FAM234B: variants seen among roughly 807,000 people sequenced by gnomAD.
FAM234B encodes family with sequence similarity 234 member B.
FAM234B carries 33 observed loss-of-function variants against 69.3 expected under a neutral mutation model. The observed-to-expected ratio is 0.48, with a 90% CI of 0.36 to 0.64. FAM234B has a LOEUF of 0.64. Among genes scored for constraint, FAM234B ranks in the 30% least tolerant of loss-of-function variants. The pLI is 0.00. For synonymous variants in FAM234B, 306 were observed against 306.9 expected, an observed-to-expected ratio of 1.00 and a Z score of 0.03; for missense variants, 697 against 769.7, an observed-to-expected ratio of 0.91 and a Z score of 1.12.
chr12:13,075,577 A>G (rs1375296339), intron 10 of FAM234B, among the ~76,000 whole-genome samples: 2 of 150,544 alleles, frequency 1.3e-5, no homozygotes, highest in African/African-American at 2.4e-5. Context: ...AGCTGGGGCT[A>G]CAGGCATACC....
At chr12:13,058,328 G>T (rs1864952546) in intron 2 of FAM234B, 123 bp from the exon 3 acceptor site, 1 of 752,628 alleles carries the variant, frequency 1.3e-6, no homozygotes, top group African/African-American at 1.7e-5. Context: ...GTAGGGAGAG[G>T]TGTGTCTACT....
intron 9 of FAM234B, among the ~76,000 whole-genome samples, chr12:13,069,929 A>G (rs980201920): frequency 6.6e-6 from 1 of 152,102 alleles, no homozygotes; most frequent in South Asian, 2.1e-4. Context: ...TTTCTGATAC[A>G]CTGGTGCTGG....
intron 1 of FAM234B, among the ~76,000 whole-genome samples, chr12:13,055,253 G>A (rs552226600): frequency 6.6e-6 from 1 of 152,322 alleles, no homozygotes; most frequent in East Asian, 1.9e-4. Context: ...CATTAAGAGA[G>A]CTTTCTTTTT....
Position 13,080,893 on chromosome 12 carries a change from T to C in FAM234B, c.*263T>C. 1 of 392,922 alleles carries C rather than the reference T, an allele frequency of 2.5e-6. No homozygotes were observed. Among genetic ancestry groups the C allele is most frequent in the Non-Finnish European group, 4.5e-6 (1 of 222,588 alleles). The allele number at this position is 392,922 out of a possible 1,614,324, so 24.3% of individuals were successfully genotyped here. ...CGTGGATCGTTTGGAAATGTGAATCTCTTAAGTATTTAATTTTTTTGGTAT... is the reference window on the plus strand; with the variant it reads ...CGTGGATCGTTTGGAAATGTGAATCCCTTAAGTATTTAATTTTTTTGGTAT... On this transcript the variant is annotated 3_prime_UTR_variant, in exon 13 of 13. Coordinates refer to ENST00000197268, the MANE Select transcript of FAM234B (RefSeq NM_020853.2).
chr12:13,068,400 G>T lies in FAM234B; in HGVS notation c.1239G>T (p.Gly413=). 1 of 1,614,164 alleles carries T rather than the reference G, an allele frequency of 6.2e-7. No individual in the cohort carries two copies. Among genetic ancestry groups the T allele is most frequent in the Non-Finnish European group, 8.5e-7 (1 of 1,180,026 alleles). The part of the protein sequence containing the change: ...TTRQSLVLLR[G]QNLTPYWALR... ...GACAAAGCCTTGTGCTGCTTCGGGG[G>T]CAAAATCTGACACCTTACTGGGCAT... The change falls in exon 8 of 13, where the codon GGG becomes GGT. Residue 413 remains glycine, a synonymous_variant. Transcript: ENST00000197268.
At chr12:13,061,296 A>G (rs1864979650) in intron 3 of FAM234B, among the ~76,000 whole-genome samples, 1 of 152,210 alleles carries the variant, frequency 6.6e-6, no homozygotes, top group Non-Finnish European at 1.5e-5. Flanking sequence ...GAGGTGGCAG[A>G]CATGTAAAGA....
chr12:13,063,008 A>T (rs762936620), intron 5 of FAM234B, 33 bp downstream of exon 5: 2 of 1,609,340 alleles, frequency 1.2e-6, no homozygotes, highest in African/African-American at 1.3e-5. Flanking sequence ...TTTGTTTCTT[A>T]TAGGGACTGC....
intron 10 of FAM234B, among the ~76,000 whole-genome samples, chr12:13,072,644 C>A (rs575751906): frequency 6.6e-6 from 1 of 150,936 alleles, no homozygotes; most frequent in Non-Finnish European, 1.5e-5. Context: ...GCAGGAGAAT[C>A]GCTTGAACCC....
chr12:13,073,072 C>T (rs1487135962), intron 10 of FAM234B, among the ~76,000 whole-genome samples: 1 of 151,968 alleles, frequency 6.6e-6, no homozygotes, highest in Admixed American at 6.6e-5. Flanking sequence ...TCTGGTGAAG[C>T]TTTCCCAGGT....
At position 13,066,683 on chromosome 12, in the gene FAM234B, C is replaced by T; in HGVS notation, c.896C>T (p.Pro299Leu). 6.2e-7 allele frequency: 1 copy of T among 1,613,944 alleles called. No individual in the cohort carries two copies. The highest frequency in any genetic ancestry group is 8.5e-7 in the Non-Finnish European group (1 of 1,179,894). Residue 299 changes from proline to leucine, a missense_variant, in exon 6 of 13, where the codon CCA (proline) becomes CTA (leucine). This residue lies in a region of FAM234B where 380 missense variants were observed against 447.1 expected (regional missense o/e 0.85). Coordinates refer to ENST00000197268, the MANE Select transcript of FAM234B (RefSeq NM_020853.2). The part of the protein sequence containing the change: ...FLLVSGRTGN[P>L]VGRPVKYNIV... The stretch of plus-strand genomic sequence containing the variant: ...CTGGTGTCTGGCCGGACCGGAAATC[C>T]AGTGGGTCGACCTGTGAAGTACAAC...
intron 3 of FAM234B, among the ~76,000 whole-genome samples, chr12:13,059,601 T>A (rs1006104568): frequency 3.9e-5 from 6 of 152,228 alleles, no homozygotes; most frequent in African/African-American, 1.2e-4. Context: ...ATGCTGAGGA[T>A]GCCCTAGTGA....
chr12:13,058,555 A>T lies in FAM234B; in HGVS notation c.532+6A>T. ...AAGGAACGGGAGTGCAGTAGGTAAG[A>T]GACGTGTTTTTTTCAAGGCTGCTAC... On this transcript the variant is annotated splice_donor_region_variant and intron_variant, in intron 3 of 12. Coordinates refer to ENST00000197268, the MANE Select transcript of FAM234B (RefSeq NM_020853.2). The T allele has an allele frequency of 6.2e-7, 1 of 1,602,244 alleles. No individual in the cohort carries two copies.
chr12:13,059,943 T>A (rs1370909088), intron 3 of FAM234B, among the ~76,000 whole-genome samples: 1 of 152,206 alleles, frequency 6.6e-6, no homozygotes, highest in Non-Finnish European at 1.5e-5. Context: ...TTGGACACAA[T>A]ATGGACCAGG....
intron 3 of FAM234B, among the ~76,000 whole-genome samples, chr12:13,060,339 CTG>C (rs1254300012): frequency 1.3e-5 from 2 of 152,222 alleles, no homozygotes; most frequent in Non-Finnish European, 2.9e-5. Flanking sequence ...TTGATACTAA[CTG>C]TGCGGCAGCC....
intron 3 of FAM234B, 21 bp from the exon 4 acceptor site, chr12:13,061,554 A>T (rs1289097894): frequency 1.3e-6 from 2 of 1,577,894 alleles, no homozygotes; most frequent in South Asian, 1.2e-5. Context: ...TCCTTTTTTT[A>T]TCTCTCTTGT....
At position 13,079,917 on chromosome 12, in the gene FAM234B, A is replaced by G; in HGVS notation, c.1771A>G (p.Met591Val). The change falls in exon 12 of 13, where the codon ATG becomes GTG. Residue 591 changes from methionine (M) to valine (V), a missense_variant. Transcript: ENST00000197268. ...SLRWALMEGQ[M>V]AQLQESTPKI... ...ACGGTGGGCACTAATGGAGGGCCAG[A>G]TGGCTCAGCTACAGGAGTCCACCCC... 6.2e-7 allele frequency: 1 copy of G among 1,614,174 alleles called. No homozygotes were observed. Among genetic ancestry groups the G allele is most frequent in the Admixed American group, 1.7e-5 (1 of 60,030 alleles).
At chr12:13,053,533 A>G (rs1004862585) in intron 1 of FAM234B, among the ~76,000 whole-genome samples, 1 of 152,170 alleles carries the variant, frequency 6.6e-6, no homozygotes, top group Admixed American at 6.5e-5. Context: ...CCTGAGCCAC[A>G]AAACCAGCAA....
chr12:13,074,927 G>GCC (rs1016105052), intron 10 of FAM234B, among the ~76,000 whole-genome samples: 14 of 152,212 alleles, frequency 9.2e-5, no homozygotes, highest in Non-Finnish European at 1.5e-5. Context: ...GCCCAAGGTA[G>GCC]TCCCAGGGGA....
intron 1 of FAM234B, among the ~76,000 whole-genome samples, chr12:13,046,198 G>C (rs1030066333): frequency 1.0e-5 from 1 of 96,814 alleles, no homozygotes; most frequent in Non-Finnish European, 1.9e-5. Flanking sequence ...GTCTGATCTC[G>C]GAAGCTAAGC....
Sources: gnomAD v4.1 joint callset for allele counts (sites outside exome capture counted in the v4.1 genomes callset) on GRCh38, gnomAD v4.1.1 for gene constraint, gnomAD v4.1.1 regional missense constraint, MANE v1.5 for transcripts, NCBI Gene and HGNC (gene_info 2026-07-23, HGNC 2026-07-21) for gene names.